The following UTRN variants were observed in gnomAD, a reference collection of about 807,000 sequenced individuals.
The protein encoded by UTRN is dystrophin-related protein 1.
In UTRN, 283 loss-of-function variants were observed where a neutral mutation model predicts 463.9. That is an observed-to-expected ratio of 0.61 (90% CI 0.55 to 0.67). The LOEUF is 0.67. Among genes scored for constraint, UTRN ranks in the 30% least tolerant of loss-of-function variants. The pLI is 0.00. For missense variants in UTRN, 3,922 were observed against 4,084.3 expected (o/e 0.96, Z 1.08); for synonymous variants, 1,442 against 1,431.5 (o/e 1.01, Z -0.17).
chr6:144,385,715 T>C (rs994304022), intron 2 of UTRN, among the ~76,000 whole-genome samples: 1 of 152,036 alleles, frequency 6.6e-6, no homozygotes, highest in Non-Finnish European at 1.5e-5. Flanking sequence ...TATTTTTTTT[T>C]TTTTTTCTTT....
At chr6:144,718,394 C>T (rs909471328) in intron 53 of UTRN, among the ~76,000 whole-genome samples, 4 of 152,150 alleles carry the variant, frequency 2.6e-5, no homozygotes, top group Admixed American at 2.0e-4. Context: ...CACTTGAGCC[C>T]GGAAGTTCAA....
intron 6 of UTRN, 90 bp downstream of exon 6, chr6:144,424,168 A>G: frequency 7.4e-7 from 1 of 1,355,712 alleles, no homozygotes; most frequent in East Asian, 2.3e-5. Flanking sequence ...CAAGTACCAC[A>G]AGCTGCTTGG....
chr6:144,592,632 G>A (rs1365808773), intron 51 of UTRN, among the ~76,000 whole-genome samples: 1 of 152,126 alleles, frequency 6.6e-6, no homozygotes, highest in Admixed American at 6.5e-5. Flanking sequence ...GCCTCCTAAA[G>A]TGCTGGGATT....
At chr6:144,824,587 TATATATATATATATATATATATATA>T (rs1779944977) in intron 66 of UTRN, among the ~76,000 whole-genome samples, 1 of 38,468 alleles carries the variant, frequency 2.6e-5, no homozygotes, top group Non-Finnish European at 4.2e-5. Flanking sequence ...TATATATATA[TATATATATATATATATATATATATA>T]TCTTTTTTTT....
intron 51 of UTRN, among the ~76,000 whole-genome samples, chr6:144,607,671 C>T (rs1805009467): frequency 2.0e-5 from 3 of 152,156 alleles, no homozygotes; most frequent in South Asian, 4.1e-4. Context: ...TAGAGATGGA[C>T]ACTCATCATC....
At chr6:144,717,211 C>A (rs192708444) in intron 53 of UTRN, among the ~76,000 whole-genome samples, 2 of 152,254 alleles carry the variant, frequency 1.3e-5, no homozygotes, top group Admixed American at 6.5e-5. Context: ...AATACTAGTA[C>A]TTCATAGATG....
intron 51 of UTRN, among the ~76,000 whole-genome samples, chr6:144,593,359 ACAC>A (rs1466312408): frequency 2.6e-5 from 4 of 152,264 alleles, no homozygotes; most frequent in African/African-American, 9.6e-5. Context: ...AAATTTGGTG[ACAC>A]CCCTAGGTAC....
chr6:144,773,289 G>C (rs571293138), intron 59 of UTRN, among the ~76,000 whole-genome samples: 1 of 152,280 alleles, frequency 6.6e-6, no homozygotes, highest in South Asian at 2.1e-4. Flanking sequence ...GAACTGGACA[G>C]TGTGGTTGGA....
At chr6:144,353,384 G>T (rs1381658718) in intron 2 of UTRN, among the ~76,000 whole-genome samples, 1 of 151,386 alleles carries the variant, frequency 6.6e-6, no homozygotes, top group Non-Finnish European at 1.5e-5. Flanking sequence ...AAAGTGCTGG[G>T]ATTTTAGGCG....
At chr6:144,593,823 T>C (rs2128633065) in intron 51 of UTRN, among the ~76,000 whole-genome samples, 1 of 152,340 alleles carries the variant, frequency 6.6e-6, no homozygotes, top group East Asian at 1.9e-4. Flanking sequence ...TGCCAGATCT[T>C]TTTGACTGTT....
At chr6:144,729,674 G>A (rs1316064051) in intron 53 of UTRN, among the ~76,000 whole-genome samples, 1 of 152,144 alleles carries the variant, frequency 6.6e-6, no homozygotes, top group African/African-American at 2.4e-5. Flanking sequence ...TAGGTGCAGG[G>A]GTGAAAGTTT....
intron 50 of UTRN, among the ~76,000 whole-genome samples, chr6:144,564,146 TA>T (rs933286622): frequency 2.0e-5 from 3 of 152,136 alleles, no homozygotes; most frequent in South Asian, 2.1e-4. Context: ...TGACATTGCA[TA>T]GGGGGAGCCT....
intron 2 of UTRN, among the ~76,000 whole-genome samples, chr6:144,332,305 C>G (rs1776392268): frequency 6.6e-6 from 1 of 152,192 alleles, no homozygotes. Flanking sequence ...ACGATTGTGT[C>G]CATAGTGCCT....
chr6:144,311,674 G>C (rs1039755370), intron 2 of UTRN: 6 of 152,214 alleles, frequency 3.9e-5, no homozygotes, highest in Non-Finnish European at 8.8e-5. Context: ...TGTGCGAGCT[G>C]TGCTCGGGAA....
chr6:144,393,321 A>G (rs1379964297), intron 2 of UTRN, among the ~76,000 whole-genome samples: 1 of 152,248 alleles, frequency 6.6e-6, no homozygotes, highest in Non-Finnish European at 1.5e-5. Context: ...TAAATTTATG[A>G]TAAATATCAG....
At chr6:144,666,663 T>C (rs1366801691) in intron 51 of UTRN, among the ~76,000 whole-genome samples, 3 of 152,228 alleles carry the variant, frequency 2.0e-5, no homozygotes, top group African/African-American at 7.2e-5. Context: ...TGTCTGTGGA[T>C]TTCCTTTTCT....
intron 34 of UTRN, among the ~76,000 whole-genome samples, chr6:144,507,141 G>A (rs561992496): frequency 6.6e-6 from 1 of 151,786 alleles, no homozygotes; most frequent in South Asian, 2.1e-4. Flanking sequence ...CTCTAAATTG[G>A]TTAGTCTAGT....
At chr6:144,830,496 T>C (rs1040523146) in intron 69 of UTRN, among the ~76,000 whole-genome samples, 2 of 152,098 alleles carry the variant, frequency 1.3e-5, no homozygotes, top group East Asian at 3.9e-4. Context: ...TTAAATAAAT[T>C]AGATTAAAAC....
chr6:144,311,424 T>C (rs1269403236), intron 2 of UTRN, among the ~76,000 whole-genome samples: 1 of 152,222 alleles, frequency 6.6e-6, no homozygotes, highest in Non-Finnish European at 1.5e-5. Flanking sequence ...AAATCACTGC[T>C]TTAATTGCTA....
Sources: gnomAD v4.1 joint callset for allele counts (sites outside exome capture counted in the v4.1 genomes callset) on GRCh38, gnomAD v4.1.1 for gene constraint, MANE v1.5 for transcripts, NCBI Gene and HGNC (gene_info 2026-07-23, HGNC 2026-07-21) for gene names.